Variants in AUTS2 observed in about 807,000 individuals in gnomAD.
AUTS2 encodes autism susceptibility gene 2 protein.
AUTS2 carries 17 observed loss-of-function variants against 112.4 expected under a neutral mutation model. The observed-to-expected ratio is 0.15, with a 90% CI of 0.10 to 0.23. The LOEUF is 0.23. AUTS2 is among the 10% of genes least tolerant of loss of function. The probability of loss-of-function intolerance (pLI) is 1.00; values close to 1 mark genes in which losing one functional copy is unlikely to be tolerated. For synonymous variants in AUTS2, 751 were observed against 702.7 expected, an observed-to-expected ratio of 1.07 and a Z score of -1.09; for missense variants, 1,510 against 1,701.6, an observed-to-expected ratio of 0.89 and a Z score of 1.98.
At chr7:69,634,041 C>T (rs1311733193) in intron 1 of AUTS2, among the ~76,000 whole-genome samples, 2 of 152,052 alleles carry the variant, frequency 1.3e-5, no homozygotes, top group Non-Finnish European at 2.9e-5. Context: ...GAGTTTTTCC[C>T]CTGTATTCTC....
At chr7:69,967,426 C>G (rs571559353) in intron 2 of AUTS2, among the ~76,000 whole-genome samples, 8 of 152,136 alleles carry the variant, frequency 5.3e-5, no homozygotes. Context: ...CACAGAAACA[C>G]AGAGGGAGTG....
At chr7:69,935,121 T>C (rs1191382146) in intron 2 of AUTS2, among the ~76,000 whole-genome samples, 1 of 152,106 alleles carries the variant, frequency 6.6e-6, no homozygotes, top group Non-Finnish European at 1.5e-5. Context: ...TAGAAAGAAA[T>C]GCAAACAGTC....
At chr7:69,893,832 ATT>A (rs1244073313) in intron 1 of AUTS2, among the ~76,000 whole-genome samples, 1 of 152,168 alleles carries the variant, frequency 6.6e-6, no homozygotes, top group Non-Finnish European at 1.5e-5. Flanking sequence ...TTCATCTGCT[ATT>A]TGTTACTCTC....
intron 5 of AUTS2, among the ~76,000 whole-genome samples, chr7:70,592,966 C>T (rs977336985): frequency 5.3e-5 from 8 of 152,224 alleles, no homozygotes; most frequent in Admixed American, 3.9e-4. Flanking sequence ...CCTCTCACCT[C>T]AGTCTCCTGA....
intron 1 of AUTS2, among the ~76,000 whole-genome samples, chr7:69,813,098 AC>A (rs1790614183): frequency 6.6e-6 from 1 of 151,808 alleles, no homozygotes; most frequent in South Asian, 2.1e-4. Context: ...GCTATCTCTC[AC>A]CCCATCTCCT....
chr7:70,192,379 AT>A (rs1296660770), intron 4 of AUTS2, among the ~76,000 whole-genome samples: 2 of 152,172 alleles, frequency 1.3e-5, no homozygotes, highest in African/African-American at 4.8e-5. Flanking sequence ...TACAATATTG[AT>A]TTTGAGTTTG....
intron 2 of AUTS2, among the ~76,000 whole-genome samples, chr7:70,077,727 C>G (rs549254036): frequency 6.6e-6 from 1 of 152,150 alleles, no homozygotes; most frequent in Non-Finnish European, 1.5e-5. Context: ...CACACAAATG[C>G]CAACACTTCA....
At chr7:70,509,634 A>G (rs1049058705) in intron 5 of AUTS2, among the ~76,000 whole-genome samples, 3 of 152,166 alleles carry the variant, frequency 2.0e-5, no homozygotes, top group African/African-American at 7.2e-5. Context: ...AATGAACCCC[A>G]GGTATGGAGA....
chr7:70,092,303 A>G (rs150635054), intron 2 of AUTS2, among the ~76,000 whole-genome samples: 219 of 152,256 alleles, frequency 1.4e-3, no homozygotes, highest in African/African-American at 5.1e-3. Flanking sequence ...ACTTGGTATC[A>G]GAGGATACCA....
chr7:69,875,501 C>T (rs1041155446), intron 1 of AUTS2, among the ~76,000 whole-genome samples: 5 of 152,174 alleles, frequency 3.3e-5, no homozygotes, highest in African/African-American at 9.7e-5. Context: ...AGATTACCAA[C>T]ATGAGGCTCA....
At chr7:69,719,451 A>G (rs918673082) in intron 1 of AUTS2, among the ~76,000 whole-genome samples, 1 of 152,190 alleles carries the variant, frequency 6.6e-6, no homozygotes, top group African/African-American at 2.4e-5. Flanking sequence ...TCATACAGAA[A>G]AAGCTGGTAA....
rs17141676 is a variant in AUTS2, at chr7:70,466,548, A to G, written c.690+30767A>G. On this transcript the variant is annotated intron_variant, in intron 5 of 18. Transcript: ENST00000342771. ...GCCCTTAAAATGTAAGGTGAAATACAACCTTTATAGTGTCCACTTTCCTGC... is the reference window on the plus strand; with the variant it reads ...GCCCTTAAAATGTAAGGTGAAATACGACCTTTATAGTGTCCACTTTCCTGC... Among the ~76,000 whole-genome samples, 356 of 152,368 alleles carry G rather than the reference A, an allele frequency of 2.3e-3. 4 individuals carry two copies. Among genetic ancestry groups the G allele is most frequent in the African/African-American group, 7.7e-3 (319 of 41,582 alleles).
At chr7:70,637,562 A>C in intron 5 of AUTS2, among the ~76,000 whole-genome samples, 1 of 152,224 alleles carries the variant, frequency 6.6e-6, no homozygotes, top group Non-Finnish European at 1.5e-5. Flanking sequence ...CAAGTCGAAG[A>C]GTCCAGGAAA....
intron 4 of AUTS2, among the ~76,000 whole-genome samples, chr7:70,212,931 G>T (rs944375579): frequency 2.0e-5 from 3 of 152,050 alleles, no homozygotes; most frequent in African/African-American, 7.2e-5. Flanking sequence ...TCAGATAGAA[G>T]AAATAAGACT....
chr7:69,876,515 TA>T (rs1484200672), intron 1 of AUTS2, among the ~76,000 whole-genome samples: 1 of 69,604 alleles, frequency 1.4e-5, no homozygotes, highest in Non-Finnish European at 2.4e-5. Context: ...TATATATATA[TA>T]TATATATATA....
intron 5 of AUTS2, among the ~76,000 whole-genome samples, chr7:70,621,023 G>A (rs557276089): frequency 5.3e-5 from 8 of 152,366 alleles, no homozygotes; most frequent in African/African-American, 1.9e-4. Flanking sequence ...GAGGGGCCGC[G>A]GTATGGCGGC....
intron 1 of AUTS2, among the ~76,000 whole-genome samples, chr7:69,602,018 GTGTATATA>G (rs149760226): frequency 0.013 from 308 of 23,024 alleles, 11 homozygotes; most frequent in South Asian, 0.026. Flanking sequence ...ATATGTGTGT[GTGTATATA>G]TATATATATA....
At chr7:69,947,508 A>G (rs1023669184) in intron 2 of AUTS2, among the ~76,000 whole-genome samples, 1 of 152,210 alleles carries the variant, frequency 6.6e-6, no homozygotes, top group Non-Finnish European at 1.5e-5. Context: ...GGCTGTGGAA[A>G]TACCGTGGAA....
At chr7:70,189,034 G>A (rs1487651280) in intron 4 of AUTS2, among the ~76,000 whole-genome samples, 1 of 152,084 alleles carries the variant, frequency 6.6e-6, no homozygotes, top group Non-Finnish European at 1.5e-5. Context: ...AGCCAGAATT[G>A]CCCAGCACTA....
Sources: allele counts gnomAD v4.1 joint callset (sites outside exome capture counted in the v4.1 genomes callset), GRCh38; gene constraint gnomAD v4.1.1; transcripts MANE v1.5; gene names NCBI Gene and HGNC (gene_info 2026-07-23, HGNC 2026-07-21).